The following RAP1A variants were observed in gnomAD, a reference collection of about 807,000 sequenced individuals.
RAP1A encodes the protein ras-related protein Rap-1A.
Under a neutral mutation model 26.4 loss-of-function variants are expected in RAP1A, and 6 were observed. That is an observed-to-expected ratio of 0.23 (90% CI 0.12 to 0.45). The LOEUF is 0.45. Among genes scored for constraint, RAP1A ranks in the 20% least tolerant of loss-of-function variants. The pLI is 0.99. For missense variants in RAP1A, 121 were observed against 217.2 expected (o/e 0.56, Z 2.78); for synonymous variants, 73 against 79.4 (o/e 0.92, Z 0.43).
chr1:111,660,349 A>T lies in RAP1A; in HGVS notation c.-27-30985A>T, dbSNP rs546130027. 3.9e-5 allele frequency among the ~76,000 whole-genome samples: 6 copies of T among 152,056 alleles called. 1 individual carries two copies. The highest frequency in any genetic ancestry group is 1.4e-4 in the African/African-American group (6 of 41,450). The stretch of plus-strand genomic sequence containing the variant: ...CTTTCAGCATTTTCTCTTTGCCTTG[A>T]TTTTATGCAGTCTGAAATATACCTA... On this transcript the variant is annotated intron_variant, in intron 1 of 7. Coordinates refer to ENST00000369709, the MANE Select transcript of RAP1A (RefSeq NM_002884.4).
At chr1:111,585,610 A>C (rs1399312307) in intron 1 of RAP1A, among the ~76,000 whole-genome samples, 12 of 152,216 alleles carry the variant, frequency 7.9e-5, no homozygotes. Flanking sequence ...TGTAGTAAAT[A>C]AATTTCCTCT....
intron 1 of RAP1A, among the ~76,000 whole-genome samples, chr1:111,661,326 G>A (rs2101157704): frequency 6.6e-6 from 1 of 152,260 alleles, no homozygotes. Flanking sequence ...ATTGGAGGGG[G>A]AAAAGATTGG....
In RAP1A at chr1:111,554,313, C is replaced by T. The variant is rs566345555; in HGVS notation, c.-28+11804C>T. On this transcript the variant is annotated intron_variant, in intron 1 of 7. Coordinates refer to the RAP1A transcript ENST00000356415. The stretch of plus-strand genomic sequence containing the variant: ...TTACAGAGGAATTTGAAAAACCTTT[C>T]TTAAAAACCTCTCAAACCTACCAGA... 5.9e-5 allele frequency among the ~76,000 whole-genome samples: 9 copies of T among 152,322 alleles called. No individual in the cohort carries two copies. In the South Asian group the frequency reaches 1.9e-3, roughly 32 times the overall value.
At chr1:111,631,057 TTACCCTA>T (rs373804199) in intron 1 of RAP1A, among the ~76,000 whole-genome samples, 5 of 152,296 alleles carry the variant, frequency 3.3e-5, no homozygotes, top group African/African-American at 1.2e-4. Flanking sequence ...AATTGTGCAT[TTACCCTA>T]AATAGACTTA....
chr1:111,650,019 A>G (rs1472534729), intron 1 of RAP1A, among the ~76,000 whole-genome samples: 2 of 150,974 alleles, frequency 1.3e-5, no homozygotes, highest in African/African-American at 2.4e-5. Flanking sequence ...ACTTATTTTA[A>G]TAGTGAAAAC....
chr1:111,691,298 G>A, intron 1 of RAP1A, 36 bp from the exon 2 acceptor site: 5 of 1,475,502 alleles, frequency 3.4e-6, no homozygotes, highest in South Asian at 2.3e-5. Flanking sequence ...CTGTTAGCAT[G>A]TTTCTTAATC....
intron 1 of RAP1A, among the ~76,000 whole-genome samples, chr1:111,672,480 G>T (rs1661005152): frequency 6.6e-6 from 1 of 152,132 alleles, no homozygotes; most frequent in Non-Finnish European, 1.5e-5. Flanking sequence ...CAGTAAGATG[G>T]TTGCTGTCTG....
In RAP1A at chr1:111,619,893, T is replaced by A. The variant is rs1335304036; in HGVS notation, c.-69T>A. On this transcript the variant is annotated 5_prime_UTR_variant, in exon 1 of 8. Transcript: ENST00000369709. ...AGGAGGGAGGAGGAGGAGGAGGAGG[T>A]GGAGGAGGTGGAGGAGGTGGAGGAG... 13 of 205,630 alleles carry A rather than the reference T, an allele frequency of 6.3e-5. No individual in the cohort carries two copies. The highest frequency in any genetic ancestry group is 1.7e-4 in the African/African-American group (5 of 29,036). The allele number at this position is 205,630 out of a possible 1,614,324, so 12.7% of individuals were successfully genotyped here.
At position 111,619,928 on chromosome 1, in the gene RAP1A, C is replaced by CG. The variant is rs1198752310; in HGVS notation, c.-28+1dup. On this transcript the variant is annotated 5_prime_UTR_variant, in exon 1 of 8. Transcript: ENST00000369709. ...GGAGGAGGTGGAGGAGGCGCCGGAC[C>CG]GGGGGGGTGAGTAAGGGGCGGGGAG... 14 of 299,910 alleles carry CG rather than the reference C, an allele frequency of 4.7e-5. 1 individual carries two copies. The highest frequency in any genetic ancestry group is 1.6e-4 in the South Asian group (1 of 6,226). 18.6% of individuals were successfully genotyped at this position (299,910 alleles called of 1,614,324 possible).
rs1435094093 is a variant in RAP1A, at chr1:111,629,831, CA to C, written c.-28+9901del. 6.6e-5 allele frequency among the ~76,000 whole-genome samples: 10 copies of C among 152,196 alleles called. No homozygotes were observed. The East Asian group carries it at 1.9e-3, about 29-fold the overall frequency. On this transcript the variant is annotated intron_variant, in intron 1 of 7. Transcript: ENST00000369709. ...ATTTGCTAAAGGGATCTCAGATATT[CA>C]AAACGATGATTTAATGTCTACAAAC...
intron 1 of RAP1A, among the ~76,000 whole-genome samples, chr1:111,675,344 C>T (rs906038800): frequency 5.3e-5 from 8 of 152,044 alleles, no homozygotes; most frequent in African/African-American, 1.9e-4. Flanking sequence ...TGGTGGCGGG[C>T]ACCTGTAGTC....
At chr1:111,579,883 C>A (rs1344368629) in intron 1 of RAP1A, among the ~76,000 whole-genome samples, 2 of 150,012 alleles carry the variant, frequency 1.3e-5, no homozygotes, top group Non-Finnish European at 3.0e-5. Context: ...GATCTCGGCT[C>A]ACTGCAAGCG....
chr1:111,620,302 C>G (rs1379698915), intron 1 of RAP1A, among the ~76,000 whole-genome samples: 1 of 152,380 alleles, frequency 6.6e-6, no homozygotes, highest in African/African-American at 2.4e-5. Flanking sequence ...TCGCCGTCTC[C>G]CCAGACACGG....
intron 1 of RAP1A, among the ~76,000 whole-genome samples, chr1:111,647,107 A>G (rs769614907): frequency 1.4e-4 from 21 of 152,322 alleles, no homozygotes; most frequent in South Asian, 6.2e-4. Context: ...GCTGCACAGC[A>G]GGAGGTAAGC....
intron 5 of RAP1A, 96 bp downstream of exon 5, chr1:111,703,572 A>G (rs939031184): frequency 1.7e-6 from 2 of 1,193,102 alleles, no homozygotes; most frequent in Admixed American, 2.8e-5. Context: ...TTTGGAAGCT[A>G]TCTACCACAT....
chr1:111,641,328 C>T (rs1291314326), intron 1 of RAP1A, among the ~76,000 whole-genome samples: 2 of 152,142 alleles, frequency 1.3e-5, no homozygotes, highest in Admixed American at 6.5e-5. Flanking sequence ...TTATTCTGTT[C>T]TTACCACTCT....
At chr1:111,567,731 C>T (rs193101713) in intron 1 of RAP1A, among the ~76,000 whole-genome samples, 105 of 152,270 alleles carry the variant, frequency 6.9e-4, no homozygotes, top group African/African-American at 2.3e-3. Context: ...CCACCACAAC[C>T]CCCAACCTCT....
intron 2 of RAP1A, among the ~76,000 whole-genome samples, chr1:111,693,852 T>A (rs1395066194): frequency 6.6e-6 from 1 of 151,930 alleles, no homozygotes; most frequent in African/African-American, 2.4e-5. Flanking sequence ...ATTTTGAGAC[T>A]CTCTGCTCTA....
At chr1:111,631,366 A>G (rs1659562531) in intron 1 of RAP1A, among the ~76,000 whole-genome samples, 2 of 152,212 alleles carry the variant, frequency 1.3e-5, no homozygotes, top group Admixed American at 6.5e-5. Flanking sequence ...GTTGGGAGCC[A>G]TTGATTAATG....
Sources: gnomAD v4.1 joint callset for allele counts (sites outside exome capture counted in the v4.1 genomes callset) on GRCh38, gnomAD v4.1.1 for gene constraint, MANE v1.5 for transcripts, NCBI Gene and HGNC (gene_info 2026-07-23, HGNC 2026-07-21) for gene names.